Variants in SHB observed in about 807,000 individuals in gnomAD.
SHB encodes SH2 domain-containing adapter protein B.
A neutral mutation model predicts 52.3 loss-of-function variants in SHB; 20 were observed. The observed-to-expected ratio is 0.38, with a 90% CI of 0.27 to 0.56. The LOEUF (loss-of-function observed/expected upper bound fraction) is 0.56, where lower values mean the gene tolerates loss of function less well. Ranked by LOEUF, SHB falls within the 20% of genes least tolerant of loss-of-function variation. The pLI is 0.71. For missense variants in SHB, 825 were observed against 723.3 expected, an observed-to-expected ratio of 1.14 and a Z score of -1.61; for synonymous variants, 397 against 316.5, an observed-to-expected ratio of 1.25 and a Z score of -2.70.
chr9:38,042,726 C>A (rs747415405), intron 1 of SHB, among the ~76,000 whole-genome samples: 1 of 152,220 alleles, frequency 6.6e-6, no homozygotes, highest in Non-Finnish European at 1.5e-5. Flanking sequence ...ATAGCAGGGG[C>A]CCAATTCCAG....
chr9:38,058,017 C>CA (rs1471666022), intron 1 of SHB, among the ~76,000 whole-genome samples: 4 of 152,366 alleles, frequency 2.6e-5, no homozygotes, highest in Non-Finnish European at 5.9e-5. Flanking sequence ...GGGGCAATTT[C>CA]AGACTAGTGG....
At chr9:37,956,197 G>T in intron 3 of SHB, 143 bp from the exon 4 acceptor site, 2 of 744,338 alleles carry the variant, frequency 2.7e-6, no homozygotes, top group Non-Finnish European at 2.2e-6. Context: ...ACATAACATG[G>T]CACAAAAGAT....
chr9:37,932,961 G>A (rs1300103794), intron 5 of SHB, among the ~76,000 whole-genome samples: 5 of 152,140 alleles, frequency 3.3e-5, no homozygotes, highest in South Asian at 2.1e-4. Flanking sequence ...ACATCATGGT[G>A]TATATCTTCA....
chr9:37,945,922 G>A (rs1832485812), intron 5 of SHB, among the ~76,000 whole-genome samples: 1 of 152,224 alleles, frequency 6.6e-6, no homozygotes, highest in African/African-American at 2.4e-5. Flanking sequence ...CGAGTGGCAG[G>A]ACAGGACTCC....
rs1033890449 is a variant in SHB, at chr9:37,917,739, C to A, written c.*2082G>T. On this transcript the variant is annotated 3_prime_UTR_variant, in exon 6 of 6. Transcript: ENST00000377707. ...CCAGGGTGTCCCTGCCTTCCTCCCT[C>A]ATTGAGGGATGTTTTAGGAAATGCC... is the stretch of plus-strand genomic sequence containing the variant. Among the ~76,000 whole-genome samples, 2 of 152,234 alleles carry A rather than the reference C, an allele frequency of 1.3e-5. No homozygotes were observed. The highest frequency in any genetic ancestry group is 4.8e-5 in the African/African-American group (2 of 41,452).
At chr9:38,042,725 G>C (rs200965507) in intron 1 of SHB, among the ~76,000 whole-genome samples, 1 of 152,214 alleles carries the variant, frequency 6.6e-6, no homozygotes, top group African/African-American at 2.4e-5. Context: ...AATAGCAGGG[G>C]CCCAATTCCA....
chr9:37,926,483 C>G (rs912888922), intron 5 of SHB, among the ~76,000 whole-genome samples: 2 of 152,156 alleles, frequency 1.3e-5, no homozygotes, highest in South Asian at 4.1e-4. Flanking sequence ...AAGAGATGGG[C>G]CTACAGATTC....
Position 37,918,627 on chromosome 9 carries a change from C to T in SHB, c.*1194G>A, listed in dbSNP as rs906970171. Among the ~76,000 whole-genome samples the T allele has an allele frequency of 4.6e-5, 7 of 152,198 alleles. No homozygotes were observed. The highest frequency in any genetic ancestry group is 4.6e-4 in the Admixed American group (7 of 15,282). ...TGACAGCAAGGCCATGCAGAACCAA[C>T]GAAAGAGCATTGGCTGCAGAACCGC... On this transcript the variant is annotated 3_prime_UTR_variant, in exon 6 of 6. Coordinates refer to ENST00000377707, the MANE Select transcript of SHB (RefSeq NM_003028.3).
At position 38,068,662 on chromosome 9, in the gene SHB, G is replaced by A. The variant is rs757758046; in HGVS notation, c.-17C>T. ...CTTGGCCATGGCGAGAGGCCGCCTA[G>A]GGCCGCGGCGCGGGAGCCCGGTCCG... is the stretch of plus-strand genomic sequence containing the variant. On this transcript the variant is annotated 5_prime_UTR_variant, in exon 1 of 6. Transcript: ENST00000377707. 3.0e-6 allele frequency: 4 copies of A among 1,329,126 alleles called. No homozygotes were observed. Among genetic ancestry groups the A allele is most frequent in the Non-Finnish European group, 3.8e-6 (4 of 1,046,538 alleles). 82.3% of individuals were successfully genotyped at this position (1,329,126 alleles called of 1,614,324 possible).
intron 1 of SHB, among the ~76,000 whole-genome samples, chr9:38,030,367 G>GTA (rs942151365): frequency 1.7e-4 from 26 of 152,122 alleles, no homozygotes; most frequent in African/African-American, 6.3e-4. Context: ...TTTCCTCCAG[G>GTA]TATATAAGAG....
chr9:38,021,089 G>A (rs902034285), intron 1 of SHB, among the ~76,000 whole-genome samples: 8 of 152,238 alleles, frequency 5.3e-5, no homozygotes, highest in African/African-American at 1.9e-4. Flanking sequence ...TGTAATCCCA[G>A]CATTTTGGGA....
At chr9:38,002,955 CTT>C (rs1564099209) in intron 2 of SHB, among the ~76,000 whole-genome samples, 1 of 152,160 alleles carries the variant, frequency 6.6e-6, no homozygotes, top group East Asian at 1.9e-4. Context: ...CAGCCAGAAA[CTT>C]TTTATTAGTA....
At chr9:38,027,642 T>A (rs1416757272) in intron 1 of SHB, among the ~76,000 whole-genome samples, 1 of 150,110 alleles carries the variant, frequency 6.7e-6, no homozygotes, top group Non-Finnish European at 1.5e-5. Context: ...TGGAGCATGA[T>A]CTGACAGAGG....
Position 37,916,670 on chromosome 9 carries a change from A to G in SHB, c.*3151T>C, listed in dbSNP as rs1832103285. Reference sequence around the variant, plus strand: ...GTCTTTGCACCCCTTTCCTGGGAACAGCTACGCTGTGAGCCTCTCTCCAGG... The same window carrying G: ...GTCTTTGCACCCCTTTCCTGGGAACGGCTACGCTGTGAGCCTCTCTCCAGG... On this transcript the variant is annotated 3_prime_UTR_variant, in exon 6 of 6. Transcript: ENST00000377707. Among the ~76,000 whole-genome samples the G allele has an allele frequency of 6.6e-6, 1 of 152,244 alleles. No individual in the cohort carries two copies. The highest frequency in any genetic ancestry group is 1.5e-5 in the Non-Finnish European group (1 of 68,048).
intron 1 of SHB, among the ~76,000 whole-genome samples, chr9:38,066,036 G>A (rs906312548): frequency 3.3e-5 from 5 of 152,000 alleles, no homozygotes; most frequent in Non-Finnish European, 5.9e-5. Flanking sequence ...TCACCATCAC[G>A]CCACTATGGC....
chr9:37,982,755 C>G (rs1343928739), intron 2 of SHB, among the ~76,000 whole-genome samples: 2 of 151,896 alleles, frequency 1.3e-5, no homozygotes, highest in Non-Finnish European at 2.9e-5. Context: ...GCCAAGATCA[C>G]GCTATTGCAC....
intron 3 of SHB, among the ~76,000 whole-genome samples, chr9:37,972,780 G>A (rs1436774239): frequency 1.3e-5 from 2 of 152,188 alleles, no homozygotes; most frequent in East Asian, 3.8e-4. Flanking sequence ...AGTAATCTGT[G>A]TTGGAATGGC....
chr9:38,045,549 C>T (rs1045076903), intron 1 of SHB, among the ~76,000 whole-genome samples: 1 of 151,846 alleles, frequency 6.6e-6, no homozygotes, highest in Admixed American at 6.6e-5. Context: ...AGGTAGAGGT[C>T]GCAGTGAGCC....
intron 1 of SHB, among the ~76,000 whole-genome samples, chr9:38,026,847 C>T (rs1037747115): frequency 1.3e-5 from 2 of 152,158 alleles, no homozygotes; most frequent in Non-Finnish European, 2.9e-5. Context: ...CTGTTCAGTC[C>T]GATCACCTCG....
Sources: gnomAD v4.1 joint callset for allele counts (sites outside exome capture counted in the v4.1 genomes callset) on GRCh38, gnomAD v4.1.1 for gene constraint, MANE v1.5 for transcripts, NCBI Gene and HGNC (gene_info 2026-07-23, HGNC 2026-07-21) for gene names.